Variants in SLC35F3 observed in about 807,000 individuals in gnomAD.
SLC35F3 encodes the protein solute carrier family 35 member F3.
SLC35F3 carries 25 observed loss-of-function variants against 49.9 expected under a neutral mutation model. The observed-to-expected ratio is 0.50, with a 90% CI of 0.37 to 0.70. The LOEUF is 0.70. Among genes scored for constraint, SLC35F3 ranks in the 30% least tolerant of loss-of-function variants. SLC35F3 has a pLI of 0.00. For missense variants in SLC35F3, 525 were observed against 639.8 expected, an observed-to-expected ratio of 0.82 and a Z score of 1.94; for synonymous variants, 275 against 265.4, an observed-to-expected ratio of 1.04 and a Z score of -0.35.
chr1:234,156,978 G>T (rs527325878), intron 2 of SLC35F3, among the ~76,000 whole-genome samples: 7 of 152,100 alleles, frequency 4.6e-5, no homozygotes, highest in Admixed American at 4.6e-4. Flanking sequence ...AATAGAGAGT[G>T]AATGCTAACG....
Position 234,188,736 on chromosome 1 carries a change from G to C in SLC35F3, c.284-42681G>C, listed in dbSNP as rs139520847. On this transcript the variant is annotated intron_variant, in intron 2 of 7. Transcript: ENST00000366618. ...GAAAGCGCCACCTCCTGGCAGGAGG[G>C]CAACCAGCACAGAACTACAATAAAC... Among the ~76,000 whole-genome samples the C allele has an allele frequency of 6.5e-3, 982 of 152,174 alleles. 8 individuals are homozygous for C. Among genetic ancestry groups the C allele is most frequent in the South Asian group, 0.04 (193 of 4,822 alleles).
In SLC35F3 at chr1:234,046,669, T is replaced by C. The variant is rs189188807; in HGVS notation, c.283+140911T>C. ...ATTTCTTGTCTAAGAAGTACTTCTG[T>C]AGTCTGAGATTATAAAGATATTCTT... On this transcript the variant is annotated intron_variant, in intron 2 of 7. Coordinates refer to ENST00000366618, the MANE Select transcript of SLC35F3 (RefSeq NM_173508.4). This position sits in a 1 kb window ranked among gnomAD's most constrained non-coding sequence, Gnocchi z 4.4. Among the ~76,000 whole-genome samples, 71 of 152,350 alleles carry C rather than the reference T, an allele frequency of 4.7e-4. No individual in the cohort carries two copies. Among genetic ancestry groups the C allele is most frequent in the African/African-American group, 1.7e-3 (69 of 41,598 alleles).
intron 2 of SLC35F3, among the ~76,000 whole-genome samples, chr1:233,958,271 G>A (rs1662738011): frequency 3.9e-5 from 6 of 152,190 alleles, no homozygotes; most frequent in African/African-American, 7.2e-5. Context: ...TCTGATCACT[G>A]TCTTCTGTGT....
At chr1:234,186,676 C>T (rs553296173) in intron 2 of SLC35F3, among the ~76,000 whole-genome samples, 16 of 152,272 alleles carry the variant, frequency 1.1e-4, no homozygotes, top group South Asian at 1.0e-3. Flanking sequence ...ATCATGGGTC[C>T]ACCATCTTAA....
At chr1:234,316,071 G>A (rs1367872911) in intron 4 of SLC35F3, among the ~76,000 whole-genome samples, 1 of 152,222 alleles carries the variant, frequency 6.6e-6, no homozygotes, top group Non-Finnish European at 1.5e-5. Context: ...TTGTAGCCTT[G>A]ATTGGCAGGT....
intron 2 of SLC35F3, among the ~76,000 whole-genome samples, chr1:234,174,359 G>C (rs1441593821): frequency 3.3e-5 from 5 of 152,214 alleles, no homozygotes; most frequent in Non-Finnish European, 7.3e-5. Flanking sequence ...ACCTGGCCTT[G>C]CATTAGTGGA....
At chr1:234,319,296 CT>C (rs1657560756) in intron 6 of SLC35F3, among the ~76,000 whole-genome samples, 1 of 151,600 alleles carries the variant, frequency 6.6e-6, no homozygotes, top group Non-Finnish European at 1.5e-5. Flanking sequence ...TCAATAAATA[CT>C]ATAGATTATC....
intron 2 of SLC35F3, among the ~76,000 whole-genome samples, chr1:234,032,543 G>A (rs1260537443): frequency 1.3e-5 from 2 of 152,038 alleles, no homozygotes; most frequent in African/African-American, 2.4e-5. Context: ...AAAGTCCCTT[G>A]TATTATTCTT....
At chr1:234,243,658 A>G (rs1667589397) in intron 3 of SLC35F3, among the ~76,000 whole-genome samples, 1 of 152,200 alleles carries the variant, frequency 6.6e-6, no homozygotes, top group South Asian at 2.1e-4. Flanking sequence ...CCAAGCCCCC[A>G]GCTCTCAGGA....
At chr1:233,948,808 C>A (rs967109169) in intron 2 of SLC35F3, among the ~76,000 whole-genome samples, 1 of 149,106 alleles carries the variant, frequency 6.7e-6, no homozygotes, top group Non-Finnish European at 1.5e-5. Flanking sequence ...TGAGAATATG[C>A]GGTGTTTGGT....
intron 2 of SLC35F3, among the ~76,000 whole-genome samples, chr1:234,032,538 C>T (rs564399285): frequency 7.9e-5 from 12 of 152,230 alleles, no homozygotes; most frequent in African/African-American, 2.6e-4. Flanking sequence ...TCCCCAAAGT[C>T]CCTTGTATTA....
At chr1:234,130,639 T>C (rs1472977503) in intron 2 of SLC35F3, among the ~76,000 whole-genome samples, 3 of 112,086 alleles carry the variant, frequency 2.7e-5, no homozygotes, top group African/African-American at 6.6e-5. Flanking sequence ...AGAGAGACTC[T>C]GTCAAAAAAA....
chr1:234,242,748 T>G (rs1254874037), intron 3 of SLC35F3, among the ~76,000 whole-genome samples: 1 of 152,236 alleles, frequency 6.6e-6, no homozygotes, highest in Non-Finnish European at 1.5e-5. Context: ...CACGCTTTTC[T>G]TACCTAAGTG....
At position 234,320,280 on chromosome 1, in the gene SLC35F3, ACT is replaced by A. The variant is rs1657586565; in HGVS notation, c.1237+95_1237+96del. On this transcript the variant is annotated intron_variant, in intron 7 of 7. Coordinates refer to ENST00000366618, the MANE Select transcript of SLC35F3 (RefSeq NM_173508.4). The surrounding 1 kb of genome is among the most constrained non-coding windows in gnomAD (Gnocchi z 4.8). Reference sequence around the variant, plus strand: ...TACACACACTCATGCATACATACACACTCACACATACACTCACATACACACAC... The same window carrying A: ...TACACACACTCATGCATACATACACACACACATACACTCACATACACACAC... 5 of 838,410 alleles carry A rather than the reference ACT, an allele frequency of 6.0e-6. No individual in the cohort carries two copies. The highest frequency in any genetic ancestry group is 2.8e-5 in the South Asian group (2 of 72,588). The allele number at this position is 838,410 out of a possible 1,614,324, so 51.9% of individuals were successfully genotyped here.
chr1:234,070,276 A>G (rs1045234211), intron 2 of SLC35F3, among the ~76,000 whole-genome samples: 2 of 152,160 alleles, frequency 1.3e-5, no homozygotes, highest in Non-Finnish European at 2.9e-5. Flanking sequence ...TGCTGGCTCT[A>G]GTGGGTGAAT....
At chr1:234,212,760 A>AT (rs1667062304) in intron 2 of SLC35F3, 1 of 152,250 alleles carries the variant, frequency 6.6e-6, no homozygotes, top group African/African-American at 2.4e-5. Flanking sequence ...GATGAAACAC[A>AT]TAGAAGTATT....
chr1:234,172,866 A>G (rs1666419297), intron 2 of SLC35F3, among the ~76,000 whole-genome samples: 1 of 152,206 alleles, frequency 6.6e-6, no homozygotes, highest in East Asian at 1.9e-4. Flanking sequence ...GTTGACTGAA[A>G]CATCACTATG....
chr1:234,166,600 C>T (rs1666324667), intron 2 of SLC35F3, among the ~76,000 whole-genome samples: 1 of 152,108 alleles, frequency 6.6e-6, no homozygotes, highest in Admixed American at 6.5e-5. Flanking sequence ...TGAGGGTGTC[C>T]CAGGATTCTG....
At chr1:234,182,313 C>A (rs1666570003) in intron 2 of SLC35F3, among the ~76,000 whole-genome samples, 1 of 152,106 alleles carries the variant, frequency 6.6e-6, no homozygotes, top group Non-Finnish European at 1.5e-5. Flanking sequence ...ATTGATTGAT[C>A]TCTTGTATGA....
Sources: gnomAD v4.1 joint callset for allele counts (sites outside exome capture counted in the v4.1 genomes callset) on GRCh38, gnomAD v4.1.1 for gene constraint, Gnocchi (gnomAD v3.1) non-coding constraint, MANE v1.5 for transcripts, NCBI Gene and HGNC (gene_info 2026-07-23, HGNC 2026-07-21) for gene names.